CACNA2D1: variants seen among roughly 807,000 people sequenced by gnomAD.
The protein encoded by CACNA2D1 is voltage-dependent calcium channel subunit alpha-2/delta-1.
A neutral mutation model predicts 171.5 loss-of-function variants in CACNA2D1; 53 were observed. That is an observed-to-expected ratio of 0.31 (90% CI 0.25 to 0.39). The LOEUF (loss-of-function observed/expected upper bound fraction) is 0.39, where lower values mean the gene tolerates loss of function less well. Ranked by LOEUF, CACNA2D1 falls within the 10% of genes least tolerant of loss-of-function variation. The probability of loss-of-function intolerance (pLI) is 1.00; values close to 1 mark genes in which losing one functional copy is unlikely to be tolerated. For synonymous variants in CACNA2D1, 442 were observed against 443.1 expected, an observed-to-expected ratio of 1.00 and a Z score of 0.03; for missense variants, 903 against 1,299.8, an observed-to-expected ratio of 0.69 and a Z score of 4.69.
rs1792387962 is a variant in CACNA2D1, at chr7:81,950,484, C to T, written c.3184G>A (p.Val1062Ile). 6.2e-7 allele frequency: 1 copy of T among 1,612,460 alleles called. No homozygotes were observed. Among genetic ancestry groups the T allele is most frequent in the Non-Finnish European group, 8.5e-7 (1 of 1,179,422 alleles). ...CACAGGGAGGGATTTAATCCAGAAACACCACCACAGTCAGTATAATCCTCC... is the reference window on the plus strand; with the variant it reads ...CACAGGGAGGGATTTAATCCAGAAATACCACCACAGTCAGTATAATCCTCC... ...VLEDYTDCGG[V>I]SGLNPSLWYI... Residue 1062 changes from valine (V) to isoleucine (I), a missense_variant, in exon 39 of 39, where the codon GTT (valine) becomes ATT (isoleucine). Transcript: ENST00000356860.
chr7:82,272,699 A>G (rs1808796177), intron 3 of CACNA2D1, among the ~76,000 whole-genome samples: 1 of 152,228 alleles, frequency 6.6e-6, no homozygotes, highest in African/African-American at 2.4e-5. Flanking sequence ...AGAAAATTCA[A>G]AAATCAGCGT....
At chr7:82,148,763 G>C (rs895705060) in intron 4 of CACNA2D1, among the ~76,000 whole-genome samples, 2 of 151,904 alleles carry the variant, frequency 1.3e-5, no homozygotes, top group Admixed American at 1.3e-4. Context: ...TCAGCCTCCC[G>C]AGTAGCTGGG....
intron 1 of CACNA2D1, among the ~76,000 whole-genome samples, chr7:82,355,934 T>C (rs577899744): frequency 1.3e-5 from 2 of 152,168 alleles, no homozygotes; most frequent in African/African-American, 2.4e-5. Context: ...ATGTATAAAA[T>C]TGAACTCAAT....
At chr7:82,262,272 G>A (rs1023307665) in intron 3 of CACNA2D1, among the ~76,000 whole-genome samples, 7 of 152,086 alleles carry the variant, frequency 4.6e-5, no homozygotes, top group African/African-American at 9.7e-5. Context: ...TGGAGCTTGC[G>A]GTGAGCCGAG....
Position 81,964,049 on chromosome 7 carries a change from G to T in CACNA2D1, c.2780+7C>A. ...TCATTACCAATAAAACTAAAATTTT[G>T]ACTTACCAGGCAGCAGCAGTGGCCC... On this transcript the variant is annotated splice_region_variant and intron_variant, in intron 34 of 38. Transcript: ENST00000356860. 3 of 1,609,888 alleles carry T rather than the reference G, an allele frequency of 1.9e-6. No homozygotes were observed. Among genetic ancestry groups the T allele is most frequent in the Non-Finnish European group, 2.5e-6 (3 of 1,177,260 alleles).
chr7:82,288,474 T>C (rs1295276847), intron 3 of CACNA2D1, among the ~76,000 whole-genome samples: 1 of 151,776 alleles, frequency 6.6e-6, no homozygotes, highest in African/African-American at 2.4e-5. Flanking sequence ...AATGCTTAGC[T>C]TCTTTTAACA....
intron 5 of CACNA2D1, among the ~76,000 whole-genome samples, chr7:82,134,478 C>T (rs1201127887): frequency 3.9e-5 from 6 of 152,090 alleles, no homozygotes; most frequent in South Asian, 4.1e-4. Flanking sequence ...ACACTCTTTG[C>T]GAATTATTCT....
At chr7:82,329,879 T>C (rs1817091623) in intron 3 of CACNA2D1, among the ~76,000 whole-genome samples, 1 of 152,132 alleles carries the variant, frequency 6.6e-6, no homozygotes, top group African/African-American at 2.4e-5. Context: ...GTCATAAAGT[T>C]GAATTCTACC....
intron 3 of CACNA2D1, among the ~76,000 whole-genome samples, chr7:82,314,079 A>C (rs898596603): frequency 9.9e-5 from 15 of 152,172 alleles, no homozygotes; most frequent in African/African-American, 3.6e-4. Flanking sequence ...ATGAATAAAT[A>C]ATGCTTAAGC....
intron 3 of CACNA2D1, among the ~76,000 whole-genome samples, chr7:82,243,405 G>C (rs928624766): frequency 6.6e-6 from 1 of 152,048 alleles, no homozygotes; most frequent in East Asian, 1.9e-4. Context: ...TTTAAAGATG[G>C]TTGACATATG....
intron 1 of CACNA2D1, among the ~76,000 whole-genome samples, chr7:82,361,783 T>G (rs1374384991): frequency 3.3e-5 from 5 of 152,156 alleles, no homozygotes; most frequent in Non-Finnish European, 7.4e-5. Flanking sequence ...TAGTTAAATA[T>G]TTAGTATCAT....
intron 3 of CACNA2D1, among the ~76,000 whole-genome samples, chr7:82,172,798 A>G (rs1179960603): frequency 4.6e-5 from 7 of 150,784 alleles, no homozygotes; most frequent in Non-Finnish European, 1.0e-4. Flanking sequence ...AAAAAAAAAA[A>G]GCAGTATAAT....
intron 15 of CACNA2D1, among the ~76,000 whole-genome samples, chr7:82,011,838 A>G: frequency 6.6e-6 from 1 of 152,056 alleles, no homozygotes; most frequent in Non-Finnish European, 1.5e-5. Flanking sequence ...AAAGACTTTC[A>G]TCTTTTTTTT....
chr7:82,062,729 CTTTTTTTTTTTTTT>C (rs71520797), intron 9 of CACNA2D1, among the ~76,000 whole-genome samples: 5 of 52,188 alleles, frequency 9.6e-5, no homozygotes, highest in Non-Finnish European at 1.7e-4. Context: ...GGTATATCTC[CTTTTTTTTTTTTTT>C]TTTTTTTTTT....
intron 3 of CACNA2D1, among the ~76,000 whole-genome samples, chr7:82,277,062 T>C (rs1234167532): frequency 6.6e-6 from 1 of 152,158 alleles, no homozygotes; most frequent in Non-Finnish European, 1.5e-5. Flanking sequence ...TCTCTTTTTT[T>C]AACATCACTT....
intron 3 of CACNA2D1, among the ~76,000 whole-genome samples, chr7:82,333,396 G>A (rs1817617482): frequency 6.6e-6 from 1 of 152,092 alleles, no homozygotes; most frequent in Admixed American, 6.6e-5. Context: ...TATAAAGGAA[G>A]GAGGTTTAAT....
chr7:82,194,021 C>T (rs1314025974), intron 3 of CACNA2D1, among the ~76,000 whole-genome samples: 1 of 151,946 alleles, frequency 6.6e-6, no homozygotes, highest in Non-Finnish European at 1.5e-5. Context: ...TATAAGGCTA[C>T]ATTGTTGTTC....
At chr7:82,150,289 A>AAAAAAAAC (rs368360751) in intron 4 of CACNA2D1, among the ~76,000 whole-genome samples, 1 of 139,616 alleles carries the variant, frequency 7.2e-6, no homozygotes, top group African/African-American at 2.7e-5. Flanking sequence ...CAACAAAAAA[A>AAAAAAAAC]AACACCCTAG....
chr7:82,060,072 A>AT (rs1806439446), intron 10 of CACNA2D1, among the ~76,000 whole-genome samples: 1 of 107,160 alleles, frequency 9.3e-6, no homozygotes, highest in Non-Finnish European at 1.8e-5. Flanking sequence ...GGTGCAGCAC[A>AT]GCAACATGGC....
Sources: allele counts gnomAD v4.1 joint callset (sites outside exome capture counted in the v4.1 genomes callset), GRCh38; gene constraint gnomAD v4.1.1; transcripts MANE v1.5; gene names NCBI Gene and HGNC (gene_info 2026-07-23, HGNC 2026-07-21).